The following MYOM2 variants were observed in gnomAD, a reference collection of about 807,000 sequenced individuals.
MYOM2 encodes the protein myomesin 2.
MYOM2 carries 254 observed loss-of-function variants against 187.6 expected under a neutral mutation model. The observed-to-expected ratio is 1.35, with a 90% CI of 1.22 to 1.50. MYOM2 has a LOEUF of 1.50. Ranked by LOEUF, MYOM2 falls within the 40% of genes most tolerant of loss-of-function variation. MYOM2 has a pLI of 0.00. For missense variants in MYOM2, 2,796 were observed against 1,924.0 expected (o/e 1.45, Z -8.48); for synonymous variants, 981 against 753.8 (o/e 1.30, Z -4.94).
intron 9 of MYOM2, among the ~76,000 whole-genome samples, chr8:2,072,754 T>C (rs1249309894): frequency 1.3e-5 from 2 of 152,164 alleles, no homozygotes; most frequent in Admixed American, 6.5e-5. Context: ...GCTCGTACAG[T>C]GACAGAAAGA....
At chr8:2,143,983 G>T (rs1798368913) in intron 36 of MYOM2, among the ~76,000 whole-genome samples, 1 of 152,214 alleles carries the variant, frequency 6.6e-6, no homozygotes, top group South Asian at 2.1e-4. Flanking sequence ...GAGAATTATT[G>T]ATATCTAATT....
rs1818465689 is a variant in MYOM2 at position 2,050,976 on chromosome 8, C to T, written c.107+103C>T. ...TCAGCCCTGGAGAGGCACTGGTTTG[C>T]AGGGAGTCAGAGAGCAGAGATGGCA... On this transcript the variant is annotated intron_variant, in intron 2 of 36. Coordinates refer to ENST00000262113, the MANE Select transcript of MYOM2 (RefSeq NM_003970.4). The T allele has an allele frequency of 3.4e-6, 3 of 872,256 alleles. No individual in the cohort carries two copies. The South Asian group carries it at 4.8e-5, about 14-fold the overall frequency. The allele number at this position is 872,256 out of a possible 1,614,324, so 54.0% of individuals were successfully genotyped here.
At chr8:2,099,381 C>A (rs7459837) in intron 19 of MYOM2, among the ~76,000 whole-genome samples, 56,999 of 151,790 alleles carry the variant, frequency 0.38, 11,565 homozygotes, top group East Asian at 0.6. Context: ...CGAGCCCCGG[C>A]CCCAGCTGGG....
At chr8:2,113,283 C>T (rs1394202416) in intron 25 of MYOM2, among the ~76,000 whole-genome samples, 6 of 152,240 alleles carry the variant, frequency 3.9e-5, no homozygotes, top group East Asian at 1.9e-4. Flanking sequence ...GTCCTTCTAC[C>T]GTCAAGACCC....
intron 6 of MYOM2, among the ~76,000 whole-genome samples, chr8:2,068,801 C>G (rs1819113962): frequency 6.6e-6 from 1 of 152,208 alleles, no homozygotes; most frequent in Non-Finnish European, 1.5e-5. Context: ...AAGCAGCACT[C>G]TGCCTTCTCC....
rs986209207 is a variant in MYOM2, at chr8:2,108,923, G to T, written c.3043+93G>T. ...ATGAGCTCTTGGAAGAACAGCTTTGGGGAAAGGATGGCCTGATTTCCTGAT... is the reference window on the plus strand; with the variant it reads ...ATGAGCTCTTGGAAGAACAGCTTTGTGGAAAGGATGGCCTGATTTCCTGAT... On this transcript the variant is annotated intron_variant, in intron 24 of 36. Transcript: ENST00000262113. 1.3e-5 allele frequency: 16 copies of T among 1,245,740 alleles called. No homozygotes were observed. The African/African-American group carries it at 2.1e-4, about 16-fold the overall frequency. The allele number at this position is 1,245,740 out of a possible 1,614,324, so 77.2% of individuals were successfully genotyped here.
At chr8:2,128,716 C>G (rs112798461) in intron 31 of MYOM2, among the ~76,000 whole-genome samples, 4 of 152,200 alleles carry the variant, frequency 2.6e-5, no homozygotes. Context: ...CTGCTTGACT[C>G]CCACCTGAAA....
At chr8:2,116,376 TA>T in intron 27 of MYOM2, 101 bp downstream of exon 27, 3 of 1,153,532 alleles carry the variant, frequency 2.6e-6, no homozygotes, top group South Asian at 1.6e-5. Flanking sequence ...CAAGCAACCC[TA>T]AAGGCTGTTT....
intron 32 of MYOM2, among the ~76,000 whole-genome samples, chr8:2,139,294 A>G (rs1273546150): frequency 1.3e-5 from 2 of 152,020 alleles, no homozygotes; most frequent in East Asian, 1.9e-4. Flanking sequence ...GGTGCTTGCC[A>G]CCACACCCGG....
At chr8:2,094,722 T>C (rs960822442) in intron 17 of MYOM2, among the ~76,000 whole-genome samples, 6 of 152,260 alleles carry the variant, frequency 3.9e-5, no homozygotes, top group Non-Finnish European at 5.9e-5. Flanking sequence ...GCAACATCCA[T>C]GACCTTTTTA....
rs774586837 is a variant in MYOM2, at chr8:2,106,200, A to C, written c.2735-42A>C. ...TCTCCCAAAAGAGAGTTGAAAGAACACCGTGTCCCTAAGCCGCTCACTTCA... is the reference window on the plus strand; with the variant it reads ...TCTCCCAAAAGAGAGTTGAAAGAACCCCGTGTCCCTAAGCCGCTCACTTCA... On this transcript the variant is annotated intron_variant, in intron 21 of 36. Transcript: ENST00000262113. 7 of 1,591,104 alleles carry C rather than the reference A, an allele frequency of 4.4e-6. No individual in the cohort carries two copies. In the South Asian group the frequency reaches 6.7e-5, roughly 15 times the overall value.
intron 3 of MYOM2, among the ~76,000 whole-genome samples, chr8:2,056,712 C>T (rs1585824634): frequency 1.3e-5 from 2 of 152,258 alleles, no homozygotes; most frequent in African/African-American, 2.4e-5. Flanking sequence ...CAGAGGAAAA[C>T]TCACACATGG....
At chr8:2,057,152 A>G (rs1332131088) in intron 3 of MYOM2, among the ~76,000 whole-genome samples, 196 bp from the exon 4 acceptor site, 2 of 152,220 alleles carry the variant, frequency 1.3e-5, no homozygotes, top group Admixed American at 1.3e-4. Context: ...CAACTTCATC[A>G]TGCATGGCAT....
At chr8:2,045,461 C>T (rs900337295) in intron 1 of MYOM2, among the ~76,000 whole-genome samples, 6 of 152,224 alleles carry the variant, frequency 3.9e-5, no homozygotes, top group Admixed American at 6.5e-5. Flanking sequence ...CTGGTCTCAT[C>T]GTGGCCCCAG....
At chr8:2,072,233 CG>C (rs1819249260) in intron 8 of MYOM2, 111 bp from the exon 9 acceptor site, 2 of 151,916 alleles carry the variant, frequency 1.3e-5, no homozygotes, top group South Asian at 1.9e-4. Flanking sequence ...TCCGTCCCCC[CG>C]CCCCCCGCCC....
intron 6 of MYOM2, among the ~76,000 whole-genome samples, chr8:2,066,563 C>T (rs1447574994): frequency 2.0e-5 from 3 of 152,180 alleles, no homozygotes; most frequent in African/African-American, 4.8e-5. Flanking sequence ...GAAGAAGTAA[C>T]ATGAGCACAA....
intron 17 of MYOM2, 145 bp from the exon 18 acceptor site, chr8:2,096,102 T>C: frequency 1.4e-6 from 1 of 701,926 alleles, no homozygotes; most frequent in Non-Finnish European, 2.4e-6. Context: ...TGGTTAAGTG[T>C]GGGTTGAGAG....
rs773292785 is a variant in MYOM2, at chr8:2,096,782, G to A, written c.2313+348G>A. ...ACGGAGTCTCACATGTGTGCCTGAG[G>A]GGAGGGTCACGCTGAATGTCTGTTT... On this transcript the variant is annotated intron_variant, in intron 18 of 36. Transcript: ENST00000262113. 2.9e-4 allele frequency among the ~76,000 whole-genome samples: 44 copies of A among 152,212 alleles called. 1 individual carries two copies. Among genetic ancestry groups the A allele is most frequent in the South Asian group, 4.2e-4 (2 of 4,814 alleles).
intron 13 of MYOM2, among the ~76,000 whole-genome samples, chr8:2,081,028 G>A (rs1175132796): frequency 2.0e-5 from 3 of 146,580 alleles, no homozygotes; most frequent in East Asian, 2.1e-4. Flanking sequence ...CTGGCCTGCG[G>A]GAGGAACAGG....
Sources: gnomAD v4.1 joint callset for allele counts (sites outside exome capture counted in the v4.1 genomes callset) on GRCh38, gnomAD v4.1.1 for gene constraint, MANE v1.5 for transcripts, NCBI Gene and HGNC (gene_info 2026-07-23, HGNC 2026-07-21) for gene names.